NUP98: variants seen among roughly 807,000 people sequenced by gnomAD.
The protein encoded by NUP98 is nuclear pore complex protein Nup98-Nup96.
NUP98 carries 26 observed loss-of-function variants against 191.9 expected under a neutral mutation model. The ratio of observed to expected loss-of-function variants is 0.14; its 90% confidence interval spans 0.10 to 0.19. The LOEUF is 0.19. Ranked by LOEUF, NUP98 falls within the 10% of genes least tolerant of loss-of-function variation. The pLI is 1.00. For synonymous variants in NUP98, 808 were observed against 778.4 expected (o/e 1.04, Z -0.63); for missense variants, 1,941 against 2,178.8 (o/e 0.89, Z 2.17).
chr11:3,758,459 TTAAC>T (rs1479461968), intron 10 of NUP98, among the ~76,000 whole-genome samples: 1 of 152,160 alleles, frequency 6.6e-6, no homozygotes, highest in African/African-American at 2.4e-5. Flanking sequence ...TAACTGACCC[TTAAC>T]TATCTTTCCA....
In NUP98 at chr11:3,678,022, G is replaced by C. The variant is rs145633937; in HGVS notation, c.5074-1402C>G. 5.2e-3 allele frequency among the ~76,000 whole-genome samples: 793 copies of C among 152,064 alleles called. 25 individuals carry two copies. Among genetic ancestry groups the C allele is most frequent in the Admixed American group, 0.042 (644 of 15,274 alleles). ...AAGCTGGGTGTGGTGGCACACGCCT[G>C]TAATCCCAGCTACTGGGGAGGCTGA... On this transcript the variant is annotated intron_variant, in intron 31 of 32. Coordinates refer to ENST00000324932, the MANE Select transcript of NUP98 (RefSeq NM_016320.5).
chr11:3,772,740 G>A (rs2081571595), intron 6 of NUP98, among the ~76,000 whole-genome samples: 1 of 151,680 alleles, frequency 6.6e-6, no homozygotes, highest in Admixed American at 6.6e-5. Context: ...CTTAAATCCA[G>A]GAGGCAGAGA....
intron 26 of NUP98, among the ~76,000 whole-genome samples, chr11:3,694,644 G>A (rs1490451799): frequency 6.6e-6 from 1 of 151,942 alleles, no homozygotes; most frequent in Non-Finnish European, 1.5e-5. Flanking sequence ...GGAGGCTGAG[G>A]CAGAAGAATG....
chr11:3,777,560 G>A (rs1350208088), intron 4 of NUP98, among the ~76,000 whole-genome samples: 1 of 147,380 alleles, frequency 6.8e-6, no homozygotes, highest in Non-Finnish European at 1.5e-5. Flanking sequence ...GGCGGAGGTT[G>A]CAGTGAGCAG....
At chr11:3,697,715 C>T (rs974043196) in intron 25 of NUP98, among the ~76,000 whole-genome samples, 1 of 149,296 alleles carries the variant, frequency 6.7e-6, no homozygotes, top group Non-Finnish European at 1.5e-5. Flanking sequence ...ACTCAGGAGG[C>T]TGAGGCAGGA....
chr11:3,726,918 T>C (rs543102539), intron 14 of NUP98, among the ~76,000 whole-genome samples: 174 of 152,204 alleles, frequency 1.1e-3, no homozygotes, highest in African/African-American at 3.4e-3. Flanking sequence ...TGTGCCATCA[T>C]GTCTGGCTAA....
At chr11:3,790,918 CAG>C (rs1160768672) in intron 1 of NUP98, among the ~76,000 whole-genome samples, 1 of 141,104 alleles carries the variant, frequency 7.1e-6, no homozygotes, top group Non-Finnish European at 1.5e-5. Flanking sequence ...TTTTTTGAGA[CAG>C]AGTCTGGCTC....
At chr11:3,749,293 C>T (rs1485370605) in intron 11 of NUP98, among the ~76,000 whole-genome samples, 10 of 146,392 alleles carry the variant, frequency 6.8e-5, no homozygotes, top group South Asian at 2.2e-4. Flanking sequence ...CCGGCCTGGG[C>T]GACAGAGCGA....
At chr11:3,698,964 C>G in intron 25 of NUP98, 118 bp downstream of exon 25, 1 of 1,146,184 alleles carries the variant, frequency 8.7e-7, no homozygotes, top group Non-Finnish European at 1.3e-6. Context: ...CTGGGAAGTC[C>G]GCAATTAATA....
intron 13 of NUP98, among the ~76,000 whole-genome samples, chr11:3,733,459 G>C (rs868037679): frequency 6.6e-6 from 1 of 152,018 alleles, no homozygotes; most frequent in Non-Finnish European, 1.5e-5. Flanking sequence ...TTATGGGCAC[G>C]CACCACCATG....
intron 28 of NUP98, among the ~76,000 whole-genome samples, chr11:3,689,730 T>G (rs1348748527): frequency 1.3e-5 from 2 of 151,912 alleles, no homozygotes; most frequent in East Asian, 3.9e-4. Flanking sequence ...AGGCTCGACT[T>G]CCCAGGCTCA....
chr11:3,762,034 T>A (rs182154756), intron 9 of NUP98, among the ~76,000 whole-genome samples: 17 of 152,332 alleles, frequency 1.1e-4, no homozygotes, highest in African/African-American at 3.6e-4. Flanking sequence ...CTCAATTATC[T>A]GTCCAAAGTT....
In NUP98 at chr11:3,686,180, T is replaced by C. The variant is rs776379076; in HGVS notation, c.4469A>G (p.Asn1490Ser). Reference protein sequence around the residue: ...KLYSDRHYDLNQLLEPRSITA... With the variant: ...KLYSDRHYDLSQLLEPRSITA... The stretch of plus-strand genomic sequence containing the variant: ...TATGCTTCGAGGCTCCAGCAGCTGG[T>C]TGAGATCATAATGTCTGCAAAGAAC... Residue 1490 changes from asparagine to serine, a missense_variant, in exon 29 of 33, where the codon AAC becomes AGC. By Grantham distance (46) the Asn-to-Ser change is conservative. Transcript: ENST00000324932. 26 of 1,614,250 alleles carry C rather than the reference T, an allele frequency of 1.6e-5. No homozygotes were observed. The highest frequency in any genetic ancestry group is 2.2e-5 in the Non-Finnish European group (26 of 1,180,046).
At chr11:3,693,166 C>T (rs3740670) in intron 27 of NUP98, 66 bp downstream of exon 27, 160,182 of 1,534,192 alleles carry the variant, frequency 0.1, 9,196 homozygotes, top group South Asian at 0.17. Flanking sequence ...TTCCTGGCTC[C>T]GCTTCAATTT....
intron 18 of NUP98, among the ~76,000 whole-genome samples, chr11:3,716,905 A>G (rs867547150): frequency 7.2e-5 from 11 of 152,124 alleles, no homozygotes; most frequent in Non-Finnish European, 1.3e-4. Context: ...CTGAAATTCT[A>G]TATGGATTTT....
intron 22 of NUP98, among the ~76,000 whole-genome samples, chr11:3,703,939 C>T (rs1056387021): frequency 2.0e-5 from 3 of 152,166 alleles, no homozygotes; most frequent in Middle Eastern, 6.3e-3. Context: ...CCTCCTTCCT[C>T]AGTCTCCTAA....
At chr11:3,722,397 C>A (rs2079436778) in intron 16 of NUP98, among the ~76,000 whole-genome samples, 2 of 152,006 alleles carry the variant, frequency 1.3e-5, no homozygotes. Context: ...CCACCACACC[C>A]AGGCTACCTG....
chr11:3,712,357 G>A, intron 20 of NUP98: 1 of 1,377,310 alleles, frequency 7.3e-7, no homozygotes, highest in Non-Finnish European at 9.3e-7. Flanking sequence ...AATCCAAACA[G>A]CAAGAGAATT....
intron 7 of NUP98, among the ~76,000 whole-genome samples, chr11:3,770,868 C>T (rs940597390): frequency 1.3e-5 from 2 of 151,834 alleles, no homozygotes; most frequent in African/African-American, 4.8e-5. Context: ...TTTTCTTTTC[C>T]GTCCTTTTTA....
Sources: allele counts gnomAD v4.1 joint callset (sites outside exome capture counted in the v4.1 genomes callset), GRCh38; gene constraint gnomAD v4.1.1; transcripts MANE v1.5; gene names NCBI Gene and HGNC (gene_info 2026-07-23, HGNC 2026-07-21).